SHCBP1: variants seen among roughly 807,000 people sequenced by gnomAD.
SHCBP1 encodes the protein SHC binding and spindle associated 1, also known as SHC SH2 domain-binding protein 1.
A neutral mutation model predicts 75.1 loss-of-function variants in SHCBP1; 60 were observed. That is an observed-to-expected ratio of 0.80 (90% CI 0.65 to 0.99). The LOEUF is 0.99. SHCBP1 is among the 50% of genes least tolerant of loss of function. The probability of loss-of-function intolerance (pLI) is 0.00; values close to 1 mark genes in which losing one functional copy is unlikely to be tolerated. For synonymous variants in SHCBP1, 290 were observed against 293.2 expected, an observed-to-expected ratio of 0.99 and a Z score of 0.11; for missense variants, 709 against 809.4, an observed-to-expected ratio of 0.88 and a Z score of 1.50.
At position 46,599,823 on chromosome 16, in the gene SHCBP1, A is replaced by G; in HGVS notation, c.1345+8T>C. On this transcript the variant is annotated splice_region_variant and intron_variant, in intron 9 of 12. Coordinates refer to ENST00000303383, the MANE Select transcript of SHCBP1 (RefSeq NM_024745.5). ...AACAAATGATATACCAAACATTCAG[A>G]TACTTACTTAAGATTCCCTCTACAG... 6.3e-7 allele frequency: 1 copy of G among 1,596,046 alleles called. No individual in the cohort carries two copies. Among genetic ancestry groups the G allele is most frequent in the African/African-American group, 1.4e-5 (1 of 73,978 alleles).
rs1035721662 is a variant in SHCBP1 at position 46,616,862 on chromosome 16, A to G, written c.388-708T>C. Among the ~76,000 whole-genome samples the G allele has an allele frequency of 6.6e-6, 1 of 152,204 alleles. No individual in the cohort carries two copies. Among genetic ancestry groups the G allele is most frequent in the Admixed American group, 6.5e-5 (1 of 15,278 alleles). Reference sequence around the variant, plus strand: ...GAATAGGCCTGAACTTCAACCAAAAAATATTAGCACAATCCAAAATTTTAA... The same window carrying G: ...GAATAGGCCTGAACTTCAACCAAAAGATATTAGCACAATCCAAAATTTTAA... On this transcript the variant is annotated intron_variant, in intron 3 of 12. Transcript: ENST00000303383. This position sits in a 1 kb window ranked among gnomAD's most constrained non-coding sequence, Gnocchi z 4.4.
rs749639882 is a variant in SHCBP1 at position 46,617,725 on chromosome 16, T to A, written c.296A>T (p.Gln99Leu). 7.4e-6 allele frequency: 12 copies of A among 1,612,650 alleles called. No individual in the cohort carries two copies. Among genetic ancestry groups the A allele is most frequent in the Admixed American group, 5.0e-5 (3 of 60,006 alleles). The change falls in exon 3 of 13, where the codon CAG (glutamine) becomes CTG (leucine). Residue 99 changes from glutamine (Q) to leucine (L), a missense_variant. Physicochemically the swap from Gln to Leu is moderately radical, Grantham distance 113. Coordinates refer to ENST00000303383, the MANE Select transcript of SHCBP1 (RefSeq NM_024745.5). ...ILADCKASEV[Q>L]EFTAEFLEKV... Reference sequence around the variant, plus strand: ...CTCCAAGAACTCAGCTGTGAATTCCTGTACCTCAGAGGCCTTGCAGTCAGC... The same window carrying A: ...CTCCAAGAACTCAGCTGTGAATTCCAGTACCTCAGAGGCCTTGCAGTCAGC...
intron 5 of SHCBP1, 102 bp downstream of exon 5, chr16:46,608,195 G>A (rs1965352337): frequency 4.4e-6 from 3 of 688,168 alleles, no homozygotes; most frequent in African/African-American, 3.6e-5. Flanking sequence ...GTGAGTGAGT[G>A]AGTGTGGGTG....
chr16:46,602,706 T>C (rs941386323), intron 8 of SHCBP1, among the ~76,000 whole-genome samples: 1 of 152,186 alleles, frequency 6.6e-6, no homozygotes, highest in Non-Finnish European at 1.5e-5. Flanking sequence ...TCTTGGCTCA[T>C]TGCAACCTCC....
At chr16:46,583,919 T>C (rs1373279244) in intron 11 of SHCBP1, 84 bp downstream of exon 11, 6 of 1,266,892 alleles carry the variant, frequency 4.7e-6, no homozygotes, top group Middle Eastern at 1.9e-4. Context: ...AACCAGAAAA[T>C]AGAACCCAAC....
In SHCBP1 at chr16:46,599,938, A is replaced by G; in HGVS notation, c.1238T>C (p.Val413Ala). 1 of 1,613,500 alleles carries G rather than the reference A, an allele frequency of 6.2e-7. No individual in the cohort carries two copies. Among genetic ancestry groups the G allele is most frequent in the Non-Finnish European group, 8.5e-7 (1 of 1,179,818 alleles). The change falls in exon 9 of 13, where the codon GTG becomes GCG. Residue 413 changes from valine (V) to alanine (A), a missense_variant. Physicochemically the swap from Val to Ala is moderately conservative, Grantham distance 64. Transcript: ENST00000303383. ...LEGYGLPDDIVIEKRGKGDTF... is the reference protein window; with the variant it reads ...LEGYGLPDDIAIEKRGKGDTF... ...GTCGCCTTTGCCCCTCTTTTCTATC[A>G]CAATGTCATCTGGTAGGCCATATCC...
chr16:46,617,968 G>A (rs766010119), intron 2 of SHCBP1, among the ~76,000 whole-genome samples: 14 of 152,210 alleles, frequency 9.2e-5, no homozygotes, highest in Admixed American at 3.3e-4. Context: ...ACCTGAGGTC[G>A]GGAGTTCAAG....
chr16:46,595,646 A>T lies in SHCBP1; in HGVS notation c.1370T>A (p.Leu457Gln). The change falls in exon 10 of 13, where the codon CTG (leucine) becomes CAG (glutamine). Residue 457 changes from leucine to glutamine, a missense_variant. By Grantham distance (113) the Leu-to-Gln change is moderately radical. Coordinates refer to ENST00000303383, the MANE Select transcript of SHCBP1 (RefSeq NM_024745.5). The stretch of plus-strand genomic sequence containing the variant: ...CTCACACTGCAGCACACAGTTTTCC[A>T]GCGTAGTCTTACCACGGTGAACAAC... ...ILIVHRGKTT[L>Q]ENCVLQCETT... is the part of the protein sequence containing the mutation. The T allele has an allele frequency of 6.2e-7, 1 of 1,614,080 alleles. No individual in the cohort carries two copies. The highest frequency in any genetic ancestry group is 8.5e-7 in the Non-Finnish European group (1 of 1,179,956).
intron 5 of SHCBP1, among the ~76,000 whole-genome samples, chr16:46,607,760 T>C (rs1965347032): frequency 6.6e-6 from 1 of 152,182 alleles, no homozygotes; most frequent in Non-Finnish European, 1.5e-5. Context: ...ATAAGGTCAT[T>C]AAGATTTAAG....
chr16:46,599,666 T>G (rs1352941192), intron 9 of SHCBP1, among the ~76,000 whole-genome samples, 165 bp downstream of exon 9: 1 of 548 alleles, frequency 1.8e-3, no homozygotes, highest in African/African-American at 2.5e-3. Flanking sequence ...AACCTTCAAT[T>G]TGTAAAAAAA....
At chr16:46,610,712 C>T (rs1254833983) in intron 4 of SHCBP1, among the ~76,000 whole-genome samples, 2 of 151,480 alleles carry the variant, frequency 1.3e-5, no homozygotes, top group South Asian at 2.1e-4. Context: ...GCACGCGCTA[C>T]CACGCCCTGC....
intron 4 of SHCBP1, among the ~76,000 whole-genome samples, chr16:46,614,374 A>G (rs116541611): frequency 0.015 from 2,321 of 152,326 alleles, 57 homozygotes; most frequent in African/African-American, 0.053. Flanking sequence ...GTCATTATAT[A>G]TTGCTCAGTC....
chr16:46,617,680 C>G lies in SHCBP1; in HGVS notation c.341G>C (p.Gly114Ala). The change falls in exon 3 of 13, where the codon GGA (glycine) becomes GCA (alanine). Residue 114 changes from glycine to alanine, a missense_variant. Transcript: ENST00000303383. ...ATTAGTGTGCCAGACTGCCCGCCATCCAGATGGCTCAAGGACCTTCTCCAA... is the reference window on the plus strand; with the variant it reads ...ATTAGTGTGCCAGACTGCCCGCCATGCAGATGGCTCAAGGACCTTCTCCAA... ...EFLEKVLEPS[G>A]WRAVWHTNVF... 1.2e-6 allele frequency: 2 copies of G among 1,613,670 alleles called. No individual in the cohort carries two copies. The highest frequency in any genetic ancestry group is 1.7e-6 in the Non-Finnish European group (2 of 1,180,016).
chr16:46,584,215 A>T (rs1255038679), intron 10 of SHCBP1, 126 bp from the exon 11 acceptor site: 4 of 582,428 alleles, frequency 6.9e-6, no homozygotes, highest in Non-Finnish European at 1.1e-5. Flanking sequence ...AGTACTTTAC[A>T]GATAAGTTTT....
intron 10 of SHCBP1, among the ~76,000 whole-genome samples, chr16:46,592,930 T>C (rs552441984): frequency 6.3e-5 from 3 of 47,732 alleles, no homozygotes; most frequent in Non-Finnish European, 1.2e-4. Context: ...GAAGTCAACA[T>C]CCACTTATGA....
intron 5 of SHCBP1, among the ~76,000 whole-genome samples, chr16:46,605,551 G>A (rs1276127523): frequency 2.0e-5 from 3 of 152,012 alleles, no homozygotes; most frequent in South Asian, 4.2e-4. Flanking sequence ...TTATGCCACT[G>A]TACTCCGTAC....
intron 4 of SHCBP1, among the ~76,000 whole-genome samples, chr16:46,614,532 G>T (rs1441232039): frequency 6.6e-6 from 1 of 152,098 alleles, no homozygotes. Flanking sequence ...ACTGATCCAG[G>T]TATGGGCTTT....
chr16:46,590,028 C>A (rs1965017806), intron 10 of SHCBP1, among the ~76,000 whole-genome samples: 1 of 152,070 alleles, frequency 6.6e-6, no homozygotes, highest in South Asian at 2.1e-4. Context: ...CATCTACAAC[C>A]ATCTGATCTT....
At position 46,604,155 on chromosome 16, in the gene SHCBP1, G is replaced by A. The variant is rs1295088184; in HGVS notation, c.924-12C>T. The stretch of plus-strand genomic sequence containing the variant: ...AACCAAACACATACCTTAAAGAAAC[G>A]AAACAGGCCTATCAGTAAGACAGCA... On this transcript the variant is annotated splice_polypyrimidine_tract_variant and intron_variant, in intron 6 of 12. Transcript: ENST00000303383. 10 of 1,613,500 alleles carry A rather than the reference G, an allele frequency of 6.2e-6. No individual in the cohort carries two copies. Among genetic ancestry groups the A allele is most frequent in the Admixed American group, 1.7e-5 (1 of 59,898 alleles).
Sources: allele counts gnomAD v4.1 joint callset (sites outside exome capture counted in the v4.1 genomes callset), GRCh38; gene constraint gnomAD v4.1.1; non-coding constraint Gnocchi (gnomAD v3.1); transcripts MANE v1.5; gene names NCBI Gene and HGNC (gene_info 2026-07-23, HGNC 2026-07-21).